The following MOB1B variants were observed in gnomAD, a reference collection of about 807,000 sequenced individuals.
The protein encoded by MOB1B is MOB kinase activator 1B, also known as MOB1 Mps One Binder homolog B.
Under a neutral mutation model 24.4 loss-of-function variants are expected in MOB1B, and 19 were observed. That is an observed-to-expected ratio of 0.78 (90% CI 0.54 to 1.14). The LOEUF (loss-of-function observed/expected upper bound fraction) is 1.14. Among genes scored for constraint, MOB1B ranks in the 50% most tolerant of loss-of-function variants. The pLI, the probability that MOB1B is intolerant of heterozygous loss-of-function variation, is 0.00. For missense variants in MOB1B, 243 were observed against 259.6 expected, an observed-to-expected ratio of 0.94 and a Z score of 0.44; for synonymous variants, 76 against 82.1, an observed-to-expected ratio of 0.93 and a Z score of 0.40.
chr4:70,985,054 A>C lies in MOB1B; in HGVS notation c.*2997A>C, dbSNP rs1400438315. 1 of 151,728 alleles carries C rather than the reference A, an allele frequency of 6.6e-6. No homozygotes were observed. Among genetic ancestry groups the C allele is most frequent in the Non-Finnish European group, 1.5e-5 (1 of 68,030 alleles). The allele number at this position is 151,728 out of a possible 1,614,324, so 9.4% of individuals were successfully genotyped here. On this transcript the variant is annotated 3_prime_UTR_variant, in exon 6 of 6. Coordinates refer to ENST00000309395, the MANE Select transcript of MOB1B (RefSeq NM_173468.4). ...AGACTGAGTTACTGCCTGTCTTATCAGGATGGATAAAACACTACAGTCTCT... is the reference window on the plus strand; with the variant it reads ...AGACTGAGTTACTGCCTGTCTTATCCGGATGGATAAAACACTACAGTCTCT...
intron 1 of MOB1B, among the ~76,000 whole-genome samples, chr4:70,907,436 A>T (rs943743163): frequency 3.1e-4 from 47 of 152,192 alleles, no homozygotes; most frequent in Non-Finnish European, 5.0e-4. Flanking sequence ...AAAAAAAAAA[A>T]TTTGACTTGG....
rs1737961695 is a variant in MOB1B at position 70,954,645 on chromosome 4, AG to A, written c.15-4226del. 2.0e-5 allele frequency among the ~76,000 whole-genome samples: 3 copies of A among 151,864 alleles called. No individual in the cohort carries two copies. In the South Asian group the frequency reaches 6.2e-4, roughly 32 times the overall value. On this transcript the variant is annotated intron_variant, in intron 1 of 5. Transcript: ENST00000309395. ...TAATTATTACGTTTTTAGTACAGATAGGGTTTCACCATGTTGGGCAGGCTGG... is the reference window on the plus strand; with the variant it reads ...TAATTATTACGTTTTTAGTACAGATAGGTTTCACCATGTTGGGCAGGCTGG...
intron 3 of MOB1B, among the ~76,000 whole-genome samples, chr4:70,970,426 C>T (rs1415603100): frequency 6.6e-6 from 1 of 152,184 alleles, no homozygotes; most frequent in Non-Finnish European, 1.5e-5. Flanking sequence ...CTTCTGATTT[C>T]ATCAGACTAA....
chr4:70,916,516 T>G lies in MOB1B; in HGVS notation c.14+13966T>G, dbSNP rs1345838838. 4.6e-5 allele frequency among the ~76,000 whole-genome samples: 7 copies of G among 152,170 alleles called. No individual in the cohort carries two copies. The East Asian group carries it at 1.4e-3, about 29-fold the overall frequency. ...AATTCAAATAGAACAAAGAATGAGC[T>G]AAAGATTTTACTCACTTGCCTAGGC... On this transcript the variant is annotated intron_variant, in intron 1 of 5. Transcript: ENST00000309395.
chr4:70,937,940 A>T (rs796757829), intron 1 of MOB1B, among the ~76,000 whole-genome samples: 1 of 150,764 alleles, frequency 6.6e-6, no homozygotes, highest in African/African-American at 2.4e-5. Context: ...GTCCTATTTA[A>T]TTTCTTCTTT....
At chr4:70,926,741 T>C (rs1390821309) in intron 1 of MOB1B, among the ~76,000 whole-genome samples, 1 of 152,160 alleles carries the variant, frequency 6.6e-6, no homozygotes. Context: ...GCGCAGTGGC[T>C]CACGCCTGTA....
intron 1 of MOB1B, among the ~76,000 whole-genome samples, chr4:70,949,327 T>C (rs78139077): frequency 1.3e-5 from 2 of 152,236 alleles, no homozygotes; most frequent in Admixed American, 6.5e-5. Flanking sequence ...TAAGTAGATA[T>C]GTCTGTTCAG....
intron 1 of MOB1B, 28 bp from the exon 2 acceptor site, chr4:70,958,846 A>G (rs1738177666): frequency 6.3e-7 from 1 of 1,581,364 alleles, no homozygotes. Context: ...TAAATATTAA[A>G]CCCTTTTTTT....
intron 1 of MOB1B, among the ~76,000 whole-genome samples, chr4:70,908,674 C>G (rs1483275922): frequency 1.3e-5 from 2 of 151,300 alleles, no homozygotes; most frequent in African/African-American, 4.9e-5. Context: ...ACTCGGGAGG[C>G]TGAGGCAGTG....
intron 4 of MOB1B, among the ~76,000 whole-genome samples, 185 bp from the exon 5 acceptor site, chr4:70,978,943 T>G (rs1353115659): frequency 6.6e-6 from 1 of 152,204 alleles, no homozygotes; most frequent in East Asian, 1.9e-4. Context: ...ATAAAAACTT[T>G]GAAGTTTATT....
At chr4:70,903,673 G>A (rs1196844198) in intron 1 of MOB1B, among the ~76,000 whole-genome samples, 2 of 152,056 alleles carry the variant, frequency 1.3e-5, no homozygotes, top group African/African-American at 4.8e-5. Context: ...ATAATTTTTA[G>A]TCATTACATT....
chr4:70,956,543 A>G (rs1440072528), intron 1 of MOB1B, among the ~76,000 whole-genome samples: 2 of 152,044 alleles, frequency 1.3e-5, no homozygotes, highest in African/African-American at 2.4e-5. Context: ...TGATCTTCCC[A>G]TCTCAGCCTC....
At chr4:70,951,958 C>G (rs1445028958) in intron 1 of MOB1B, among the ~76,000 whole-genome samples, 1 of 152,206 alleles carries the variant, frequency 6.6e-6, no homozygotes, top group East Asian at 1.9e-4. Context: ...AATACCTGTC[C>G]TTTAAGACTT....
At chr4:70,959,878 T>TTTTTTA (rs200573309) in intron 2 of MOB1B, among the ~76,000 whole-genome samples, 3 of 152,080 alleles carry the variant, frequency 2.0e-5, no homozygotes, top group African/African-American at 4.8e-5. Flanking sequence ...TAATTGTGCT[T>TTTTTTA]TTTTTATTTT....
chr4:70,942,832 T>C, intron 1 of MOB1B: 1 of 930,716 alleles, frequency 1.1e-6, no homozygotes, highest in African/African-American at 1.8e-5. Flanking sequence ...GAGAGAAGGT[T>C]CATATTGTCG....
At chr4:70,964,972 A>G (rs1738454125) in intron 2 of MOB1B, among the ~76,000 whole-genome samples, 1 of 151,876 alleles carries the variant, frequency 6.6e-6, no homozygotes, top group African/African-American at 2.4e-5. Flanking sequence ...AGTAAAGAAC[A>G]GAAGTTAATA....
chr4:70,983,240 C>T lies in MOB1B; in HGVS notation c.*1183C>T, dbSNP rs972520335. The stretch of plus-strand genomic sequence containing the variant: ...TTCAGTGAATGGAGCTGATGTTTGC[C>T]TGTCATTTTAAGATGATACCATACC... On this transcript the variant is annotated 3_prime_UTR_variant, in exon 6 of 6. Coordinates refer to ENST00000309395, the MANE Select transcript of MOB1B (RefSeq NM_173468.4). The T allele has an allele frequency of 5.9e-5, 9 of 152,444 alleles. No individual in the cohort carries two copies. Among genetic ancestry groups the T allele is most frequent in the Admixed American group, 5.9e-4 (9 of 15,264 alleles). The allele number at this position is 152,444 out of a possible 1,614,324, so 9.4% of individuals were successfully genotyped here.
intron 2 of MOB1B, among the ~76,000 whole-genome samples, chr4:70,960,506 CTT>C (rs1738260000): frequency 6.6e-6 from 1 of 152,130 alleles, no homozygotes; most frequent in South Asian, 2.1e-4. Context: ...TTAATGGCCT[CTT>C]ATTATAATTT....
intron 1 of MOB1B, among the ~76,000 whole-genome samples, chr4:70,910,454 T>C (rs559960258): frequency 6.6e-6 from 1 of 151,792 alleles, no homozygotes; most frequent in Non-Finnish European, 1.5e-5. Flanking sequence ...TGTATATATG[T>C]GTGTATGTAT....
Sources: gnomAD v4.1 joint callset for allele counts (sites outside exome capture counted in the v4.1 genomes callset) on GRCh38, gnomAD v4.1.1 for gene constraint, MANE v1.5 for transcripts, NCBI Gene and HGNC (gene_info 2026-07-23, HGNC 2026-07-21) for gene names.